The following RAB7A variants were observed in gnomAD, a reference collection of about 807,000 sequenced individuals.
RAB7A encodes ras-related protein Rab-7a.
RAB7A carries 2 observed loss-of-function variants against 24.5 expected under a neutral mutation model. The ratio of observed to expected loss-of-function variants is 0.08; its 90% CI spans 0.03 to 0.26. The LOEUF (loss-of-function observed/expected upper bound fraction) is 0.26, where lower values mean the gene tolerates loss of function less well. Ranked by LOEUF, RAB7A falls within the 10% of genes least tolerant of loss-of-function variation. The pLI, the probability that RAB7A is intolerant of heterozygous loss-of-function variation, is 1.00. For synonymous variants in RAB7A, 100 were observed against 95.9 expected, an observed-to-expected ratio of 1.04 and a Z score of -0.25; for missense variants, 118 against 255.7, an observed-to-expected ratio of 0.46 and a Z score of 3.67.
chr3:128,804,790 G>T (rs569578941), intron 3 of RAB7A, among the ~76,000 whole-genome samples: 30 of 152,142 alleles, frequency 2.0e-4, no homozygotes, highest in Non-Finnish European at 3.7e-4. Context: ...TACAGAGAAA[G>T]CTCTCTATGC....
intron 1 of RAB7A, chr3:128,764,773 A>G: frequency 1.2e-6 from 1 of 826,130 alleles, no homozygotes; most frequent in Non-Finnish European, 2.1e-6. Flanking sequence ...ATCCTGAAGG[A>G]AGATTTGGCC....
intron 1 of RAB7A, among the ~76,000 whole-genome samples, chr3:128,748,030 A>G (rs995426621): frequency 1.3e-5 from 2 of 152,150 alleles, no homozygotes; most frequent in African/African-American, 4.8e-5. Context: ...TGCCTCCCAA[A>G]GTGCTGGGAT....
chr3:128,755,376 T>C (rs926447600), intron 1 of RAB7A, among the ~76,000 whole-genome samples: 3 of 152,118 alleles, frequency 2.0e-5, no homozygotes. Context: ...GGAGGAAATT[T>C]ACAGCTATAA....
intron 1 of RAB7A, among the ~76,000 whole-genome samples, chr3:128,737,786 CTA>C (rs2070505410): frequency 6.9e-6 from 1 of 145,670 alleles, no homozygotes; most frequent in Non-Finnish European, 1.5e-5. Context: ...GTAGCTGGGA[CTA>C]CAGGCACATG....
At chr3:128,758,387 G>A (rs1404773274) in intron 1 of RAB7A, among the ~76,000 whole-genome samples, 1 of 150,636 alleles carries the variant, frequency 6.6e-6, no homozygotes, top group East Asian at 2.0e-4. Flanking sequence ...ATTCTCCAGC[G>A]TCAGACTCCC....
chr3:128,772,285 A>G (rs1463103266), intron 1 of RAB7A, among the ~76,000 whole-genome samples: 1 of 152,254 alleles, frequency 6.6e-6, no homozygotes, highest in East Asian at 1.9e-4. Flanking sequence ...CTAGAATCAT[A>G]TAACCTAGAA....
chr3:128,769,289 TC>T (rs1479578600), intron 1 of RAB7A, among the ~76,000 whole-genome samples: 23 of 152,180 alleles, frequency 1.5e-4, no homozygotes, highest in African/African-American at 5.5e-4. Context: ...TTCCATCTGC[TC>T]CATATCCTTG....
intron 1 of RAB7A, among the ~76,000 whole-genome samples, chr3:128,779,858 A>G (rs1933181266): frequency 6.6e-6 from 1 of 152,212 alleles, no homozygotes; most frequent in Non-Finnish European, 1.5e-5. Flanking sequence ...CACCGTGCCC[A>G]GCTGAGAAAG....
At chr3:128,803,532 C>A (rs1933740227) in intron 3 of RAB7A, among the ~76,000 whole-genome samples, 1 of 152,136 alleles carries the variant, frequency 6.6e-6, no homozygotes, top group Non-Finnish European at 1.5e-5. Flanking sequence ...ACATATGCAG[C>A]AATCCAGAGT....
At chr3:128,764,778 T>G in intron 1 of RAB7A, 1 of 832,600 alleles carries the variant, frequency 1.2e-6, no homozygotes, top group East Asian at 2.4e-5. Context: ...GAAGGAAGAT[T>G]TGGCCACCAC....
At chr3:128,805,600 A>C (rs1933786484) in intron 3 of RAB7A, among the ~76,000 whole-genome samples, 1 of 151,964 alleles carries the variant, frequency 6.6e-6, no homozygotes, top group Non-Finnish European at 1.5e-5. Context: ...TTGTTTTTTG[A>C]GGTATAATAC....
intron 1 of RAB7A, among the ~76,000 whole-genome samples, chr3:128,737,683 T>TGTCA (rs2070504099): frequency 6.6e-6 from 1 of 150,754 alleles, no homozygotes; most frequent in African/African-American, 2.4e-5. Context: ...GGTCTCACTC[T>TGTCA]GTCACTCAGG....
intron 1 of RAB7A, among the ~76,000 whole-genome samples, chr3:128,784,176 T>A (rs987073159): frequency 3.3e-5 from 5 of 152,204 alleles, no homozygotes; most frequent in Non-Finnish European, 5.9e-5. Flanking sequence ...AAAAATAGAT[T>A]TGGTTGAGAA....
At chr3:128,781,391 C>G (rs894660058) in intron 1 of RAB7A, among the ~76,000 whole-genome samples, 3 of 152,156 alleles carry the variant, frequency 2.0e-5, no homozygotes, top group Non-Finnish European at 4.4e-5. Flanking sequence ...ACAGCTGCCA[C>G]TTGGGGTAGC....
In RAB7A at chr3:128,813,498, C is replaced by A; in HGVS notation, c.*76C>A. ...TAGGCCTTCAACACAATTCCCCTCT[C>A]CTCTTCCAAACAAAACATACATTGA... On this transcript the variant is annotated 3_prime_UTR_variant, in exon 6 of 6. Transcript: ENST00000265062. 1 of 1,369,330 alleles carries A rather than the reference C, an allele frequency of 7.3e-7. No homozygotes were observed. 84.8% of individuals were successfully genotyped at this position (1,369,330 alleles called of 1,614,324 possible).
At chr3:128,764,259 G>A (rs1464364304) in intron 1 of RAB7A, among the ~76,000 whole-genome samples, 1 of 151,828 alleles carries the variant, frequency 6.6e-6, no homozygotes, top group African/African-American at 2.4e-5. Flanking sequence ...CCACATTTCT[G>A]TCCTGTAATA....
intron 3 of RAB7A, among the ~76,000 whole-genome samples, chr3:128,800,041 TAGTATTGAA>T (rs1297881302): frequency 6.6e-6 from 1 of 152,126 alleles, no homozygotes; most frequent in Non-Finnish European, 1.5e-5. Flanking sequence ...AGTGAAAACA[TAGTATTGAA>T]ATAAGCTAAA....
chr3:128,736,830 T>C (rs1317069700), intron 1 of RAB7A, among the ~76,000 whole-genome samples: 3 of 152,140 alleles, frequency 2.0e-5, no homozygotes, highest in African/African-American at 7.2e-5. Context: ...TGTGTGGACT[T>C]GGAAGGCACG....
intron 3 of RAB7A, among the ~76,000 whole-genome samples, chr3:128,800,032 G>A (rs756337616): frequency 2.0e-5 from 3 of 152,186 alleles, no homozygotes; most frequent in Non-Finnish European, 2.9e-5. Flanking sequence ...ACTTCAAGAA[G>A]TGAAAACATA....
Sources: allele counts gnomAD v4.1 joint callset (sites outside exome capture counted in the v4.1 genomes callset), GRCh38; gene constraint gnomAD v4.1.1; transcripts MANE v1.5; gene names NCBI Gene and HGNC (gene_info 2026-07-23, HGNC 2026-07-21).